The following CLCN5 variants were observed in gnomAD, a reference collection of about 807,000 sequenced individuals.
CLCN5 encodes the protein Cl-/H+ antiporter 5.
CLCN5 carries 17 observed loss-of-function variants against 54.0 expected under a neutral mutation model. That is an observed-to-expected ratio of 0.31 (90% CI 0.22 to 0.47). CLCN5 has a LOEUF of 0.47. Among genes scored for constraint, CLCN5 ranks in the 20% least tolerant of loss-of-function variants. CLCN5 has a pLI of 1.00. For missense variants in CLCN5, 448 were observed against 646.7 expected, an observed-to-expected ratio of 0.69 and a Z score of 3.33; for synonymous variants, 222 against 233.0, an observed-to-expected ratio of 0.95 and a Z score of 0.43.
intron 9 of CLCN5, among the ~76,000 whole-genome samples, chrX:50,082,932 A>G (rs1933756939): frequency 9.0e-6 from 1 of 111,082 alleles, no homozygotes; most frequent in Non-Finnish European, 1.9e-5. Context: ...TAGTCCCGCC[A>G]TGGCACCTCT....
intron 3 of CLCN5, chrX:50,009,737 T>C (rs1471055797): frequency 2.6e-6 from 1 of 384,860 alleles, no homozygotes; most frequent in African/African-American, 2.6e-5. Context: ...TCCTCTCTAA[T>C]CCTTTGTCCC....
At chrX:49,947,288 G>T (rs1314154157) in intron 3 of CLCN5, among the ~76,000 whole-genome samples, 1 of 111,335 alleles carries the variant, frequency 9.0e-6, no homozygotes, top group African/African-American at 3.3e-5. Context: ...CATTCATTGT[G>T]TGGGGCCTTC....
Position 50,046,915 on chromosome X carries a change from T to G in CLCN5, c.163+4453T>G, listed in dbSNP as rs781890485. Among the ~76,000 whole-genome samples the G allele has an allele frequency of 9.9e-5, 11 of 110,805 alleles. No individual in the cohort carries two copies. The South Asian group carries it at 4.3e-3, about 43-fold the overall frequency. The stretch of plus-strand genomic sequence containing the variant: ...GACCAATTAGATATGGGAAATAAAA[T>G]AGAAAAGAGTCAGGGATGACTTCAA... On this transcript the variant is annotated intron_variant, in intron 4 of 14. Coordinates refer to ENST00000376091, the MANE Select transcript of CLCN5 (RefSeq NM_001127898.4).
At chrX:50,063,535 A>G (rs1234440632) in intron 4 of CLCN5, among the ~76,000 whole-genome samples, 1 of 107,064 alleles carries the variant, frequency 9.3e-6, no homozygotes, top group Non-Finnish European at 1.9e-5. Context: ...CCAACCAAAA[A>G]GAGTCCAGGA....
chrX:50,055,375 A>G (rs1317652310), intron 4 of CLCN5, among the ~76,000 whole-genome samples: 2 of 111,972 alleles, frequency 1.8e-5, no homozygotes, highest in African/African-American at 6.5e-5. Flanking sequence ...AGGTGACACA[A>G]CTAGTGAGTT....
chrX:50,038,970 G>A (rs977168776), intron 3 of CLCN5, among the ~76,000 whole-genome samples: 1 of 111,601 alleles, frequency 9.0e-6, no homozygotes, highest in Non-Finnish European at 1.9e-5. Flanking sequence ...CTAACAGTGA[G>A]TCATTCTACC....
At chrX:50,077,184 G>T (rs926233350) in intron 7 of CLCN5, among the ~76,000 whole-genome samples, 6 of 111,551 alleles carry the variant, frequency 5.4e-5, no homozygotes, top group African/African-American at 3.3e-5. Flanking sequence ...AATAAAGATA[G>T]AAATAGGAGT....
intron 3 of CLCN5, among the ~76,000 whole-genome samples, chrX:50,015,729 C>T (rs1311166050): frequency 9.1e-6 from 1 of 110,394 alleles, no homozygotes; most frequent in African/African-American, 3.3e-5. Flanking sequence ...CTCTTCTTAG[C>T]TAAGCTGATC....
chrX:50,086,143 T>C (rs1393208785), intron 10 of CLCN5, 83 bp downstream of exon 10: 1 of 903,670 alleles, frequency 1.1e-6, no homozygotes, highest in African/African-American at 1.9e-5. Flanking sequence ...TTGTACATAA[T>C]GTACAATATC....
intron 3 of CLCN5, among the ~76,000 whole-genome samples, chrX:49,972,112 GGT>G (rs61157983): frequency 0.24 from 20,745 of 86,249 alleles, 2,322 homozygotes; most frequent in East Asian, 0.43. Flanking sequence ...TGCATTCTCT[GGT>G]GTGTGTGTGT....
At chrX:50,044,662 A>G (rs1932335395) in intron 4 of CLCN5, among the ~76,000 whole-genome samples, 1 of 111,138 alleles carries the variant, frequency 9.0e-6, no homozygotes, top group Non-Finnish European at 1.9e-5. Flanking sequence ...GTTACAAAGT[A>G]CATTCTCAAG....
chrX:50,087,866 A>G (rs905852886), intron 11 of CLCN5, among the ~76,000 whole-genome samples: 2 of 111,946 alleles, frequency 1.8e-5, no homozygotes, highest in Non-Finnish European at 3.8e-5. Flanking sequence ...TTTTAAAAGA[A>G]TCTGCTGTTT....
intron 3 of CLCN5, among the ~76,000 whole-genome samples, chrX:49,979,639 T>C (rs1928643878): frequency 9.0e-6 from 1 of 111,695 alleles, no homozygotes; most frequent in African/African-American, 3.2e-5. Context: ...TCATTTTAAA[T>C]GAGAAATAAA....
intron 8 of CLCN5, among the ~76,000 whole-genome samples, chrX:50,081,084 T>A (rs1933678135): frequency 8.9e-6 from 1 of 112,083 alleles, no homozygotes; most frequent in Admixed American, 9.4e-5. Flanking sequence ...CAATATGATT[T>A]AGGCTACATG....
At chrX:50,032,189 T>G (rs1254662620) in intron 3 of CLCN5, among the ~76,000 whole-genome samples, 4 of 111,610 alleles carry the variant, frequency 3.6e-5, no homozygotes, top group Non-Finnish European at 7.5e-5. Context: ...TACATGTGCA[T>G]GTGTCTTTAT....
At chrX:49,983,888 A>G (rs1401423074) in intron 3 of CLCN5, among the ~76,000 whole-genome samples, 1 of 109,479 alleles carries the variant, frequency 9.1e-6, no homozygotes, top group Non-Finnish European at 1.9e-5. Flanking sequence ...TTGGCCTTTT[A>G]GGTTATGTAA....
intron 4 of CLCN5, among the ~76,000 whole-genome samples, chrX:50,058,469 A>G (rs782523816): frequency 5.4e-5 from 6 of 111,190 alleles, no homozygotes; most frequent in Non-Finnish European, 1.1e-4. Flanking sequence ...AGTTTAAAGC[A>G]TCATGTGATT....
At chrX:50,012,016 G>A (rs1483321260) in intron 3 of CLCN5, among the ~76,000 whole-genome samples, 1 of 111,066 alleles carries the variant, frequency 9.0e-6, no homozygotes, top group African/African-American at 3.3e-5. Context: ...TAACAAGCAG[G>A]GGTGGCGCTC....
intron 3 of CLCN5, among the ~76,000 whole-genome samples, chrX:49,993,305 C>T (rs1444581230): frequency 1.8e-5 from 2 of 111,733 alleles, no homozygotes; most frequent in African/African-American, 3.3e-5. Context: ...GCAGTTTTTC[C>T]ACATATAAGG....
Sources: allele counts gnomAD v4.1 joint callset (sites outside exome capture counted in the v4.1 genomes callset), GRCh38; gene constraint gnomAD v4.1.1; transcripts MANE v1.5; gene names NCBI Gene and HGNC (gene_info 2026-07-23, HGNC 2026-07-21).